The following MTIF2 variants were observed in gnomAD, a reference collection of about 807,000 sequenced individuals.
The protein encoded by MTIF2 is translation initiation factor IF-2, mitochondrial.
In MTIF2, 71 loss-of-function variants were observed where a neutral mutation model predicts 83.5. That is an observed-to-expected ratio of 0.85 (90% CI 0.70 to 1.04). The LOEUF is 1.04. MTIF2 is among the 50% of genes least tolerant of loss of function. The pLI is 0.00. For missense variants in MTIF2, 957 were observed against 846.5 expected (o/e 1.13, Z -1.62); for synonymous variants, 319 against 287.1 (o/e 1.11, Z -1.12).
chr2:55,257,456 G>C (rs1223569409), intron 5 of MTIF2, among the ~76,000 whole-genome samples: 1 of 152,146 alleles, frequency 6.6e-6, no homozygotes, highest in Non-Finnish European at 1.5e-5. Flanking sequence ...ACTCCAGCCT[G>C]GGCAAGAGTG....
At position 55,249,391 on chromosome 2, in the gene MTIF2, T is replaced by C. The variant is rs745995137; in HGVS notation, c.981+4A>G. ...GCATATTTATATGAGGTCCCCGCAT[T>C]TACCGTAAGTGCGGAGACAGGCACT... On this transcript the variant is annotated splice_donor_region_variant and intron_variant, in intron 9 of 15. Coordinates refer to ENST00000263629, the MANE Select transcript of MTIF2 (RefSeq NM_002453.3). 2 of 1,613,506 alleles carry C rather than the reference T, an allele frequency of 1.2e-6. No individual in the cohort carries two copies. The highest frequency in any genetic ancestry group is 3.3e-5 in the Admixed American group (2 of 59,940).
At chr2:55,257,978 G>C (rs1187306122) in intron 5 of MTIF2, among the ~76,000 whole-genome samples, 2 of 152,176 alleles carry the variant, frequency 1.3e-5, no homozygotes, top group Non-Finnish European at 2.9e-5. Flanking sequence ...CTTTTGTAAA[G>C]ACAAGGCTTC....
Position 55,263,686 on chromosome 2 carries a change from A to G in MTIF2, c.173T>C (p.Leu58Pro). The change falls in exon 4 of 16, where the codon CTC (leucine) becomes CCC (proline). Residue 58 changes from leucine to proline, a missense_variant. Physicochemically the swap from Leu to Pro is moderately conservative, Grantham distance 98. Transcript: ENST00000263629. The stretch of plus-strand genomic sequence containing the variant: ...ATACTGAGATAAAGCAGCCCCAGTG[A>G]GCACATCTGTTGGCCAGGGCCAGGC... ...LCAWPWPTDV[L>P]TGAALSQYRL... is the part of the protein sequence containing the mutation. The G allele has an allele frequency of 6.2e-7, 1 of 1,614,016 alleles. No homozygotes were observed. The highest frequency in any genetic ancestry group is 8.5e-7 in the Non-Finnish European group (1 of 1,179,992).
intron 4 of MTIF2, 55 bp from the exon 5 acceptor site, chr2:55,262,482 A>G: frequency 9.8e-7 from 1 of 1,022,532 alleles, no homozygotes; most frequent in Non-Finnish European, 1.5e-6. Flanking sequence ...TTAAGTGACA[A>G]TTTAGATTTA....
intron 3 of MTIF2, 136 bp from the exon 4 acceptor site, chr2:55,264,001 C>A (rs1421399160): frequency 1.5e-6 from 1 of 662,218 alleles, no homozygotes; most frequent in Admixed American, 2.9e-5. Flanking sequence ...TGGGTTCCTG[C>A]CCTGAAAAAT....
At chr2:55,252,702 C>T in intron 7 of MTIF2, 49 bp from the exon 8 acceptor site, 3 of 1,372,022 alleles carry the variant, frequency 2.2e-6, no homozygotes, top group Non-Finnish European at 3.0e-6. Context: ...CATGTACTTC[C>T]TTAATACCAA....
chr2:55,259,862 T>G (rs1415993762), intron 5 of MTIF2, among the ~76,000 whole-genome samples: 1 of 151,982 alleles, frequency 6.6e-6, no homozygotes, highest in African/African-American at 2.4e-5. Flanking sequence ...AAGAATTGCT[T>G]GAACTGGGGA....
At chr2:55,266,964 T>G (rs906619272) in intron 3 of MTIF2, among the ~76,000 whole-genome samples, 11 of 151,986 alleles carry the variant, frequency 7.2e-5, no homozygotes, top group African/African-American at 2.7e-4. Flanking sequence ...GACACCGGGT[T>G]TTACCATGTT....
At chr2:55,248,168 C>A (rs1676839519) in intron 9 of MTIF2, among the ~76,000 whole-genome samples, 1 of 152,184 alleles carries the variant, frequency 6.6e-6, no homozygotes. Flanking sequence ...GGCTTACAGG[C>A]ATAAGTCACT....
rs1676947234 is a variant in MTIF2 at position 55,249,583 on chromosome 2, C to G, written c.842-49G>C. The G allele has an allele frequency of 2.5e-6, 4 of 1,595,494 alleles. No homozygotes were observed. In the African/African-American group the frequency reaches 5.4e-5, roughly 21 times the overall value. On this transcript the variant is annotated intron_variant, in intron 8 of 15. Transcript: ENST00000263629. ...AGTGAAAATGATGACACCTTCAATT[C>G]CAGGTATTCACAGTGAAAGACATCA... is the stretch of plus-strand genomic sequence containing the variant.
rs889398238 is a variant in MTIF2, at chr2:55,266,610, C to T, written c.-8+959G>A. ...GCTTATATTTTATATTTATATACAACATATATATTATATAAATATATTTAT... is the reference window on the plus strand; with the variant it reads ...GCTTATATTTTATATTTATATACAATATATATATTATATAAATATATTTAT... On this transcript the variant is annotated intron_variant, in intron 3 of 15. Coordinates refer to ENST00000263629, the MANE Select transcript of MTIF2 (RefSeq NM_002453.3). 4 of 147,690 alleles carry T rather than the reference C, an allele frequency of 2.7e-5. No homozygotes were observed. In the East Asian group the frequency reaches 7.8e-4, roughly 29 times the overall value. 9.1% of individuals were successfully genotyped at this position (147,690 alleles called of 1,614,324 possible). A position where few individuals can be genotyped will look rare whatever the true frequency, so the allele number is the denominator to read the frequency against.
chr2:55,263,509 C>G, intron 4 of MTIF2, 131 bp downstream of exon 4: 1 of 649,522 alleles, frequency 1.5e-6, no homozygotes, highest in Non-Finnish European at 2.6e-6. Context: ...ACTCAGGAGG[C>G]TGAGGCAGGA....
Position 55,254,255 on chromosome 2 carries a change from G to A in MTIF2, c.504-54C>T, listed in dbSNP as rs1558570021. 1.9e-6 allele frequency: 3 copies of A among 1,571,444 alleles called. No homozygotes were observed. The East Asian group carries it at 6.8e-5, about 35-fold the overall frequency. ...TCTTAAATATCAGAAATACTTTATA[G>A]CCTGTGAATTGGTTCACATTTATCC... On this transcript the variant is annotated intron_variant, in intron 6 of 15. Coordinates refer to ENST00000263629, the MANE Select transcript of MTIF2 (RefSeq NM_002453.3).
Position 55,254,763 on chromosome 2 carries a change from G to C in MTIF2, c.394C>G (p.His132Asp). The change falls in exon 6 of 16, where the codon CAT becomes GAT. Residue 132 changes from histidine to aspartate, a missense_variant. His to Asp is a moderately conservative substitution (Grantham distance 81). Coordinates refer to ENST00000263629, the MANE Select transcript of MTIF2 (RefSeq NM_002453.3). ...IDIDSLEADS[H>D]LDEVWIKEVI... is the part of the protein sequence containing the mutation. ...TCTTTGATCCAGACTTCATCTAAATGTGAGTCTGCTTCCAGTGAATCTATG... is the reference window on the plus strand; with the variant it reads ...TCTTTGATCCAGACTTCATCTAAATCTGAGTCTGCTTCCAGTGAATCTATG... The C allele has an allele frequency of 6.2e-7, 1 of 1,609,758 alleles. No homozygotes were observed. Among genetic ancestry groups the C allele is most frequent in the Admixed American group, 1.7e-5 (1 of 59,388 alleles).
intron 8 of MTIF2, 38 bp downstream of exon 8, chr2:55,252,438 AC>A (rs753637485): frequency 2.5e-6 from 4 of 1,586,600 alleles, no homozygotes; most frequent in Non-Finnish European, 3.4e-6. Context: ...CAGAACTTTG[AC>A]TTTATGTAGT....
At chr2:55,265,297 C>A (rs968009829) in intron 3 of MTIF2, among the ~76,000 whole-genome samples, 2 of 149,840 alleles carry the variant, frequency 1.3e-5, no homozygotes, top group African/African-American at 4.9e-5. Flanking sequence ...GAAACATTTC[C>A]TAAGTACCAT....
At chr2:55,242,104 T>C (rs1676360904) in intron 13 of MTIF2, among the ~76,000 whole-genome samples, 1 of 147,146 alleles carries the variant, frequency 6.8e-6, no homozygotes, top group Admixed American at 6.9e-5. Context: ...ACCGTGCCAC[T>C]GCACTCCAGC....
At chr2:55,268,147 G>C (rs1345843072) in intron 2 of MTIF2, among the ~76,000 whole-genome samples, 1 of 152,058 alleles carries the variant, frequency 6.6e-6, no homozygotes, top group South Asian at 2.1e-4. Flanking sequence ...CAGCGACTTG[G>C]GAGGCTGAGG....
In MTIF2 at chr2:55,246,445, G is replaced by A. The variant is rs765736523; in HGVS notation, c.998C>T (p.Ala333Val). The change falls in exon 10 of 16, where the codon GCT (alanine) becomes GTT (valine). Residue 333 changes from alanine to valine, a missense_variant. Physicochemically the swap from Ala to Val is moderately conservative, Grantham distance 64. Coordinates refer to ENST00000263629, the MANE Select transcript of MTIF2 (RefSeq NM_002453.3). ...VSALTGDNLM[A>V]LAEATVALAE... ...AAGAGCAACTGTTGCTTCTGCCAAAGCCATCAGATTATCGCCCTTTAACAA... is the reference window on the plus strand; with the variant it reads ...AAGAGCAACTGTTGCTTCTGCCAAAACCATCAGATTATCGCCCTTTAACAA... The A allele has an allele frequency of 1.1e-5, 17 of 1,613,350 alleles. No homozygotes were observed. The Admixed American group carries it at 2.8e-4, about 27-fold the overall frequency.
Sources: allele counts gnomAD v4.1 joint callset (sites outside exome capture counted in the v4.1 genomes callset), GRCh38; gene constraint gnomAD v4.1.1; transcripts MANE v1.5; gene names NCBI Gene and HGNC (gene_info 2026-07-23, HGNC 2026-07-21).